ASTN2: variants seen among roughly 807,000 people sequenced by gnomAD.
ASTN2 encodes astrotactin-2.
Under a neutral mutation model 139.8 loss-of-function variants are expected in ASTN2, and 54 were observed. The observed-to-expected ratio is 0.39, with a 90% CI of 0.31 to 0.48. The LOEUF (loss-of-function observed/expected upper bound fraction) is 0.48. Ranked by LOEUF, ASTN2 falls within the 20% of genes least tolerant of loss-of-function variation. The pLI is 0.95. For synonymous variants in ASTN2, 756 were observed against 719.5 expected, an observed-to-expected ratio of 1.05 and a Z score of -0.81; for missense variants, 1,565 against 1,725.1, an observed-to-expected ratio of 0.91 and a Z score of 1.64.
At chr9:116,769,145 G>T (rs1197646592) in intron 13 of ASTN2, among the ~76,000 whole-genome samples, 4 of 152,170 alleles carry the variant, frequency 2.6e-5, no homozygotes, top group Non-Finnish European at 5.9e-5. Flanking sequence ...AAAGCCCCAA[G>T]AAGGCTGGGA....
At chr9:117,329,474 T>G (rs1828631767) in intron 1 of ASTN2, among the ~76,000 whole-genome samples, 1 of 152,070 alleles carries the variant, frequency 6.6e-6, no homozygotes, top group South Asian at 2.1e-4. Context: ...GAATGGTCCC[T>G]CCCTTGAAGG....
At chr9:117,099,512 C>A (rs2132761290) in intron 4 of ASTN2, among the ~76,000 whole-genome samples, 1 of 152,284 alleles carries the variant, frequency 6.6e-6, no homozygotes, top group Middle Eastern at 3.4e-3. Flanking sequence ...GAAAAGTCAC[C>A]AGGAAATTCT....
intron 11 of ASTN2, among the ~76,000 whole-genome samples, chr9:116,822,740 A>G (rs147351937): frequency 1.4e-4 from 22 of 152,328 alleles, no homozygotes; most frequent in East Asian, 1.9e-4. Context: ...TATAGCAAAT[A>G]TATGAGGTAG....
intron 1 of ASTN2, among the ~76,000 whole-genome samples, chr9:117,293,099 GA>G (rs142711248): frequency 6.6e-6 from 1 of 151,320 alleles, no homozygotes; most frequent in Non-Finnish European, 1.5e-5. Flanking sequence ...TGAAAAAAAA[GA>G]AAAAAAACAA....
intron 17 of ASTN2, among the ~76,000 whole-genome samples, chr9:116,649,177 T>C (rs978347441): frequency 1.3e-4 from 20 of 152,238 alleles, no homozygotes; most frequent in Admixed American, 2.0e-4. Context: ...CTTCCCTTTT[T>C]AAATCATATT....
intron 2 of ASTN2, among the ~76,000 whole-genome samples, chr9:117,275,774 C>A (rs1233793647): frequency 6.6e-6 from 1 of 152,040 alleles, no homozygotes; most frequent in East Asian, 1.9e-4. Context: ...CCATGTTGAC[C>A]AGGCTGTTCT....
intron 2 of ASTN2, among the ~76,000 whole-genome samples, chr9:117,247,085 C>T (rs1037877451): frequency 5.3e-5 from 8 of 152,060 alleles, no homozygotes; most frequent in African/African-American, 1.4e-4. Flanking sequence ...AGGGAGATCA[C>T]GGCAGGCAGC....
intron 10 of ASTN2, among the ~76,000 whole-genome samples, chr9:116,942,850 A>G (rs1470009688): frequency 6.6e-6 from 1 of 152,216 alleles, no homozygotes; most frequent in Non-Finnish European, 1.5e-5. Flanking sequence ...CAGCAATGGC[A>G]GAAGAGTGTG....
intron 6 of ASTN2, among the ~76,000 whole-genome samples, chr9:117,018,520 T>G (rs1338945361): frequency 6.6e-6 from 1 of 152,148 alleles, no homozygotes; most frequent in Non-Finnish European, 1.5e-5. Context: ...CTTGTGTCAG[T>G]GTGTGTATGT....
At chr9:117,152,050 CT>C (rs1830337792) in intron 3 of ASTN2, among the ~76,000 whole-genome samples, 1 of 152,084 alleles carries the variant, frequency 6.6e-6, no homozygotes, top group Non-Finnish European at 1.5e-5. Context: ...TCCTTAAATT[CT>C]TTAAGCCTCA....
intron 19 of ASTN2, among the ~76,000 whole-genome samples, chr9:116,560,529 T>C (rs1852851802): frequency 6.6e-6 from 1 of 152,138 alleles, no homozygotes; most frequent in Non-Finnish European, 1.5e-5. Context: ...TTCAATAAGT[T>C]TGTCTATCAG....
intron 1 of ASTN2, among the ~76,000 whole-genome samples, chr9:117,318,191 G>A (rs1429219841): frequency 2.0e-5 from 3 of 152,168 alleles, no homozygotes; most frequent in Non-Finnish European, 4.4e-5. Context: ...TGCTACTCAT[G>A]AATTTGGGTG....
At chr9:117,020,815 TTGAA>T (rs924051218) in intron 6 of ASTN2, among the ~76,000 whole-genome samples, 51 of 152,218 alleles carry the variant, frequency 3.4e-4, no homozygotes, top group Non-Finnish European at 2.5e-4. Context: ...GTAAAGCATT[TTGAA>T]TGAATGAATG....
intron 22 of ASTN2, among the ~76,000 whole-genome samples, chr9:116,435,262 G>A (rs987093835): frequency 6.6e-6 from 1 of 152,214 alleles, no homozygotes; most frequent in Non-Finnish European, 1.5e-5. Flanking sequence ...AGGTGACAAG[G>A]CTAGGACAGA....
At chr9:117,112,434 G>C (rs1024963475) in intron 4 of ASTN2, among the ~76,000 whole-genome samples, 18 of 152,050 alleles carry the variant, frequency 1.2e-4, no homozygotes, top group Non-Finnish European at 2.2e-4. Flanking sequence ...ATTGGCTAAA[G>C]GATAGGAATA....
chr9:116,685,037 C>T (rs1280595933), intron 16 of ASTN2, among the ~76,000 whole-genome samples: 1 of 152,174 alleles, frequency 6.6e-6, no homozygotes, highest in Non-Finnish European at 1.5e-5. Context: ...GTAGGACTAA[C>T]ATTAGCCACA....
intron 6 of ASTN2, among the ~76,000 whole-genome samples, chr9:117,013,196 A>G (rs574631784): frequency 1.3e-5 from 2 of 152,200 alleles, no homozygotes; most frequent in Non-Finnish European, 2.9e-5. Flanking sequence ...AGGAATGTCT[A>G]GCAGAGCTCT....
At chr9:116,525,198 TG>T (rs1851038158) in intron 19 of ASTN2, among the ~76,000 whole-genome samples, 1 of 152,230 alleles carries the variant, frequency 6.6e-6, no homozygotes, top group African/African-American at 2.4e-5. Context: ...GGTGGCATTT[TG>T]TCCCTGTCCT....
At position 116,654,768 on chromosome 9, in the gene ASTN2, T is replaced by A. The variant is rs548866137; in HGVS notation, c.2807-2975A>T. Among the ~76,000 whole-genome samples, 3 of 152,328 alleles carry A rather than the reference T, an allele frequency of 2.0e-5. No individual in the cohort carries two copies. The East Asian group carries it at 5.8e-4, about 29-fold the overall frequency. ...ATATTTTAAAGCACAGATGGCATGATCCCCATAGCACCTTGCTATATGCAC... is the reference window on the plus strand; with the variant it reads ...ATATTTTAAAGCACAGATGGCATGAACCCCATAGCACCTTGCTATATGCAC... On this transcript the variant is annotated intron_variant, in intron 16 of 22. Coordinates refer to ENST00000313400, the MANE Select transcript of ASTN2 (RefSeq NM_001365068.1).
Sources: allele counts gnomAD v4.1 joint callset (sites outside exome capture counted in the v4.1 genomes callset), GRCh38; gene constraint gnomAD v4.1.1; transcripts MANE v1.5; gene names NCBI Gene and HGNC (gene_info 2026-07-23, HGNC 2026-07-21).